CUL5: variants seen among roughly 807,000 people sequenced by gnomAD.
CUL5 encodes cullin-5.
A neutral mutation model predicts 108.8 loss-of-function variants in CUL5; 26 were observed. The ratio of observed to expected loss-of-function variants is 0.24; its 90% CI spans 0.18 to 0.33. The LOEUF is 0.33. Ranked by LOEUF, CUL5 falls within the 10% of genes least tolerant of loss-of-function variation. CUL5 has a pLI of 1.00. For synonymous variants in CUL5, 334 were observed against 298.0 expected (o/e 1.12, Z -1.25); for missense variants, 524 against 909.2 (o/e 0.58, Z 5.45).
At chr11:108,018,511 A>C (rs1862255703) in intron 1 of CUL5, among the ~76,000 whole-genome samples, 1 of 151,890 alleles carries the variant, frequency 6.6e-6, no homozygotes, top group Non-Finnish European at 1.5e-5. Flanking sequence ...TACTAAAAAA[A>C]AAAAAATACA....
At chr11:108,062,552 AAAT>A (rs1271020756) in intron 7 of CUL5, among the ~76,000 whole-genome samples, 1 of 148,462 alleles carries the variant, frequency 6.7e-6, no homozygotes, top group Non-Finnish European at 1.5e-5. Flanking sequence ...ATAAAATTAT[AAAT>A]AATTAAATAT....
intron 11 of CUL5, among the ~76,000 whole-genome samples, chr11:108,082,307 G>C (rs1438198670): frequency 1.3e-5 from 2 of 148,262 alleles, no homozygotes; most frequent in Non-Finnish European, 3.0e-5. Flanking sequence ...TTTAAGACAG[G>C]GTCCACTGTG....
chr11:108,084,852 T>C (rs1263760293), intron 11 of CUL5: 1 of 152,206 alleles, frequency 6.6e-6, no homozygotes, highest in Non-Finnish European at 1.5e-5. Flanking sequence ...ATTGGAATCA[T>C]ATTGTTGGTG....
At chr11:108,062,729 A>G (rs928267914) in intron 7 of CUL5, among the ~76,000 whole-genome samples, 63 of 152,200 alleles carry the variant, frequency 4.1e-4, no homozygotes, top group African/African-American at 1.5e-3. Flanking sequence ...TGTGTTACAG[A>G]CAATCCAATT....
At chr11:108,088,744 C>G (rs1864282903) in intron 12 of CUL5, 85 bp downstream of exon 12, 1 of 1,030,078 alleles carries the variant, frequency 9.7e-7, no homozygotes, top group Non-Finnish European at 1.4e-6. Context: ...GTGATAGTAT[C>G]AATTTAAAAA....
At chr11:108,098,658 C>A in intron 18 of CUL5, 129 bp downstream of exon 18, 2 of 571,098 alleles carry the variant, frequency 3.5e-6, no homozygotes, top group Non-Finnish European at 5.3e-6. Context: ...ACACATAATC[C>A]CAACACTTTG....
chr11:108,101,631 A>G (rs1363746316), intron 18 of CUL5, among the ~76,000 whole-genome samples: 1 of 151,804 alleles, frequency 6.6e-6, no homozygotes, highest in Non-Finnish European at 1.5e-5. Flanking sequence ...TTAGCTCGAA[A>G]CTCTTGCTGT....
At chr11:108,052,578 A>T in intron 4 of CUL5, 82 bp from the exon 5 acceptor site, 7 of 1,328,128 alleles carry the variant, frequency 5.3e-6, no homozygotes, top group Non-Finnish European at 7.3e-6. Flanking sequence ...TACAAATTTG[A>T]TTTCCTTTTT....
At position 108,107,200 on chromosome 11, in the gene CUL5, A is replaced by T. The variant is rs1253634089; in HGVS notation, c.*2816A>T. ...AGTCTCTTGCTCTTATTTTGTGCAT[A>T]AATGTTAAACCTTCCAAAAATGAAA... On this transcript the variant is annotated 3_prime_UTR_variant, in exon 19 of 19. Transcript: ENST00000393094. The T allele has an allele frequency of 6.6e-6, 1 of 152,030 alleles. No individual in the cohort carries two copies. Among genetic ancestry groups the T allele is most frequent in the Non-Finnish European group, 1.5e-5 (1 of 67,998 alleles). The allele number at this position is 152,030 out of a possible 1,614,324, so 9.4% of individuals were successfully genotyped here. A position where few individuals can be genotyped will look rare whatever the true frequency, so the allele number is the denominator to read the frequency against.
chr11:108,096,628 G>A (rs991249455), intron 16 of CUL5, among the ~76,000 whole-genome samples: 3 of 124,522 alleles, frequency 2.4e-5, no homozygotes, highest in Non-Finnish European at 1.6e-5. Context: ...GTGCAATGGC[G>A]CAATCTCAGC....
intron 7 of CUL5, among the ~76,000 whole-genome samples, chr11:108,060,161 T>A (rs1295333684): frequency 6.6e-6 from 1 of 152,080 alleles, no homozygotes; most frequent in African/African-American, 2.4e-5. Flanking sequence ...ATTTCAGGCA[T>A]GGTATCCTCT....
In CUL5 at chr11:108,105,036, C is replaced by G. The variant is rs1249119982; in HGVS notation, c.*652C>G. On this transcript the variant is annotated 3_prime_UTR_variant, in exon 19 of 19. Coordinates refer to ENST00000393094, the MANE Select transcript of CUL5 (RefSeq NM_003478.6). ...ATGTTGGTTTTCTTTAAGCAGGAGACTGCTATTTTAGTTGTTGTTAAATGA... is the reference window on the plus strand; with the variant it reads ...ATGTTGGTTTTCTTTAAGCAGGAGAGTGCTATTTTAGTTGTTGTTAAATGA... 1.3e-5 allele frequency: 2 copies of G among 151,002 alleles called. No homozygotes were observed. The highest frequency in any genetic ancestry group is 1.5e-5 in the Non-Finnish European group (1 of 67,748). The allele number at this position is 151,002 out of a possible 1,614,324, so 9.4% of individuals were successfully genotyped here. A position where few individuals can be genotyped will look rare whatever the true frequency, so the allele number is the denominator to read the frequency against.
intron 7 of CUL5, among the ~76,000 whole-genome samples, 156 bp downstream of exon 7, chr11:108,055,111 A>T (rs976244960): frequency 6.6e-6 from 1 of 152,184 alleles, no homozygotes; most frequent in Non-Finnish European, 1.5e-5. Context: ...ACTTTGTAGG[A>T]GGTATCTTGT....
Position 108,009,234 on chromosome 11 carries a change from C to G in CUL5, c.-115C>G. 8.8e-7 allele frequency: 1 copy of G among 1,135,040 alleles called. No homozygotes were observed. Among genetic ancestry groups the G allele is most frequent in the Non-Finnish European group, 1.3e-6 (1 of 768,600 alleles). The allele number at this position is 1,135,040 out of a possible 1,614,324, so 70.3% of individuals were successfully genotyped here. ...CGCGCTGCTCCAGCGCCCACCACACCCTGGTGCGGGCCGACGGGCCCTGGG... is the reference window on the plus strand; with the variant it reads ...CGCGCTGCTCCAGCGCCCACCACACGCTGGTGCGGGCCGACGGGCCCTGGG... On this transcript the variant is annotated 5_prime_UTR_variant, in exon 1 of 19. Transcript: ENST00000393094.
At chr11:108,066,834 T>A (rs1863695086) in intron 7 of CUL5, among the ~76,000 whole-genome samples, 1 of 152,238 alleles carries the variant, frequency 6.6e-6, no homozygotes, top group African/African-American at 2.4e-5. Context: ...AGTGAAGATC[T>A]TCTTTTCATA....
At chr11:108,084,818 A>T (rs895156321) in intron 11 of CUL5, 4 of 152,220 alleles carry the variant, frequency 2.6e-5, no homozygotes, top group African/African-American at 9.6e-5. Context: ...CAGATATAAC[A>T]CGTGTTGGTA....
At chr11:108,025,351 A>C (rs1297363369) in intron 1 of CUL5, among the ~76,000 whole-genome samples, 1 of 151,974 alleles carries the variant, frequency 6.6e-6, no homozygotes, top group African/African-American at 2.4e-5. Context: ...TTTTAACTGG[A>C]TGTCAGACAT....
intron 1 of CUL5, among the ~76,000 whole-genome samples, chr11:108,016,253 G>T (rs936324947): frequency 6.7e-6 from 1 of 149,360 alleles, no homozygotes; most frequent in African/African-American, 2.5e-5. Flanking sequence ...TTCTCTTCTC[G>T]TCTTCTCTTC....
rs71303233 is a variant in CUL5, at chr11:108,091,695, T to TCACACACACACACACACACA, written c.1443+2090_1443+2109dup. ...CAGAGTCAGATCCTGTCTCTCTCAC[T>TCACACACACACACACACACA]CACACACACACACACACACACACAC... On this transcript the variant is annotated intron_variant, in intron 13 of 18. Coordinates refer to ENST00000393094, the MANE Select transcript of CUL5 (RefSeq NM_003478.6). Among the ~76,000 whole-genome samples the TCACACACACACACACACACA allele has an allele frequency of 2.4e-3, 333 of 138,158 alleles. 3 individuals carry two copies. The highest frequency in any genetic ancestry group is 8.0e-3 in the African/African-American group (290 of 36,100). The allele number at this position is 138,158 out of a possible 152,430, so 90.6% of individuals were successfully genotyped here. A position where few individuals can be genotyped will look rare whatever the true frequency, so the allele number is the denominator to read the frequency against.
Sources: allele counts gnomAD v4.1 joint callset (sites outside exome capture counted in the v4.1 genomes callset), GRCh38; gene constraint gnomAD v4.1.1; transcripts MANE v1.5; gene names NCBI Gene and HGNC (gene_info 2026-07-23, HGNC 2026-07-21).